The following ADAMTSL1 variants were observed in gnomAD, a reference collection of about 807,000 sequenced individuals.
ADAMTSL1 encodes ADAMTS-like protein 1.
In ADAMTSL1, 126 loss-of-function variants were observed where a neutral mutation model predicts 201.8. That is an observed-to-expected ratio of 0.62 (90% CI 0.54 to 0.72). ADAMTSL1 has a LOEUF of 0.72. Among genes scored for constraint, ADAMTSL1 ranks in the 30% least tolerant of loss-of-function variants. ADAMTSL1 has a pLI of 0.00. For synonymous variants in ADAMTSL1, 1,121 were observed against 903.4 expected (o/e 1.24, Z -4.32); for missense variants, 2,679 against 2,277.8 (o/e 1.18, Z -3.59).
intron 2 of ADAMTSL1, among the ~76,000 whole-genome samples, chr9:18,191,564 C>G (rs1400926558): frequency 1.3e-5 from 2 of 152,190 alleles, no homozygotes; most frequent in Admixed American, 1.3e-4. Context: ...AGCTGAGCCT[C>G]AGATCCCTGA....
intron 23 of ADAMTSL1, among the ~76,000 whole-genome samples, chr9:18,881,656 C>G (rs1828543662): frequency 6.6e-6 from 1 of 152,132 alleles, no homozygotes; most frequent in Admixed American, 6.5e-5. Context: ...TATGCACACA[C>G]TGTTAGAAAA....
Position 18,711,944 on chromosome 9 carries a change from C to G in ADAMTSL1, c.1876+4896C>G, listed in dbSNP as rs566000574. On this transcript the variant is annotated intron_variant, in intron 14 of 28. Coordinates refer to ENST00000380548, the MANE Select transcript of ADAMTSL1 (RefSeq NM_001040272.6). ...CCTCAAGTGGGTCCCTGACCCCTGA[C>G]CCCCAAGCAGCCTAACTGGGAGGCA... Among the ~76,000 whole-genome samples the G allele has an allele frequency of 2.8e-5, 4 of 143,928 alleles. No individual in the cohort carries two copies. In the East Asian group the frequency reaches 8.1e-4, roughly 29 times the overall value. The allele number at this position is 143,928 out of a possible 152,430, so 94.4% of individuals were successfully genotyped here.
intron 2 of ADAMTSL1, among the ~76,000 whole-genome samples, chr9:18,316,424 G>A (rs987757001): frequency 6.6e-6 from 1 of 151,912 alleles, no homozygotes; most frequent in Non-Finnish European, 1.5e-5. Context: ...GGGCACACCT[G>A]GGGGGGCCGT....
At chr9:18,445,951 G>A (rs1273266068) in intron 2 of ADAMTSL1, among the ~76,000 whole-genome samples, 1 of 152,050 alleles carries the variant, frequency 6.6e-6, no homozygotes, top group African/African-American at 2.4e-5. Flanking sequence ...ACCCTATCAT[G>A]TAGGTATTCA....
intron 1 of ADAMTSL1, among the ~76,000 whole-genome samples, chr9:17,940,808 C>CCCG (rs1554667543): frequency 7.8e-5 from 5 of 63,928 alleles, no homozygotes; most frequent in Non-Finnish European, 1.6e-4. Flanking sequence ...TAACACCCCC[C>CCCG]CCCCAAAAAA....
At chr9:18,369,509 A>C (rs1488535482) in intron 2 of ADAMTSL1, among the ~76,000 whole-genome samples, 2 of 152,210 alleles carry the variant, frequency 1.3e-5, no homozygotes, top group Non-Finnish European at 2.9e-5. Flanking sequence ...GAAAAAAGAG[A>C]ATGCTTATAC....
At chr9:18,426,514 T>A (rs997395208) in intron 2 of ADAMTSL1, among the ~76,000 whole-genome samples, 6 of 152,214 alleles carry the variant, frequency 3.9e-5, no homozygotes, top group Non-Finnish European at 7.3e-5. Context: ...TATGAAATTA[T>A]CTACTAATAA....
chr9:18,406,993 C>G (rs1587099930), intron 2 of ADAMTSL1, among the ~76,000 whole-genome samples: 1 of 152,232 alleles, frequency 6.6e-6, no homozygotes, highest in East Asian at 1.9e-4. Flanking sequence ...ATGTATTCAT[C>G]CAACAAACAT....
intron 3 of ADAMTSL1, among the ~76,000 whole-genome samples, chr9:18,553,054 T>C (rs1820881751): frequency 6.6e-6 from 1 of 151,654 alleles, no homozygotes; most frequent in Non-Finnish European, 1.5e-5. Flanking sequence ...TTTTAATTTT[T>C]ACTTTTATAA....
chr9:18,671,661 C>T (rs1401628425), intron 9 of ADAMTSL1, among the ~76,000 whole-genome samples: 1 of 152,136 alleles, frequency 6.6e-6, no homozygotes, highest in Non-Finnish European at 1.5e-5. Context: ...CGAAGATTTG[C>T]AGTTCCAGAG....
intron 23 of ADAMTSL1, among the ~76,000 whole-genome samples, chr9:18,844,086 G>A (rs935039511): frequency 6.6e-6 from 1 of 152,218 alleles, no homozygotes; most frequent in Non-Finnish European, 1.5e-5. Context: ...GAGGAGCTGT[G>A]TTCCTTTGGA....
chr9:18,525,671 A>G (rs1373127753), intron 2 of ADAMTSL1, among the ~76,000 whole-genome samples: 2 of 152,190 alleles, frequency 1.3e-5, no homozygotes, highest in African/African-American at 2.4e-5. Flanking sequence ...TTCAAAGAAC[A>G]TCTTTATTTC....
intron 1 of ADAMTSL1, among the ~76,000 whole-genome samples, chr9:18,115,290 G>A (rs767199509): frequency 3.3e-5 from 5 of 152,120 alleles, no homozygotes; most frequent in Non-Finnish European, 7.4e-5. Context: ...TTACTTGGCT[G>A]ACTGTGGAGA....
chr9:18,607,488 T>A (rs1055461480), intron 4 of ADAMTSL1, among the ~76,000 whole-genome samples: 1 of 152,146 alleles, frequency 6.6e-6, no homozygotes, highest in Admixed American at 6.5e-5. Context: ...TGACTCAAAA[T>A]TTTTTTAATT....
intron 1 of ADAMTSL1, among the ~76,000 whole-genome samples, chr9:18,126,551 C>T (rs1056149409): frequency 2.6e-5 from 4 of 152,172 alleles, no homozygotes; most frequent in African/African-American, 9.6e-5. Context: ...AGAGTGTCCA[C>T]CACTTGTAGT....
At chr9:18,610,805 C>T (rs1267636201) in intron 4 of ADAMTSL1, among the ~76,000 whole-genome samples, 1 of 152,298 alleles carries the variant, frequency 6.6e-6, no homozygotes, top group Middle Eastern at 3.4e-3. Flanking sequence ...CACACAAATG[C>T]AGCCAGCACA....
At chr9:18,638,619 T>C (rs994401499) in intron 6 of ADAMTSL1, among the ~76,000 whole-genome samples, 4 of 152,120 alleles carry the variant, frequency 2.6e-5, no homozygotes, top group South Asian at 2.1e-4. Flanking sequence ...AGGTTTTTTT[T>C]CTATCTCAAG....
At chr9:18,141,181 G>A (rs988286271) in intron 1 of ADAMTSL1, among the ~76,000 whole-genome samples, 2 of 152,138 alleles carry the variant, frequency 1.3e-5, no homozygotes, top group East Asian at 3.9e-4. Flanking sequence ...AGGTGGACAC[G>A]GTTTACCTTC....
chr9:18,221,324 A>G (rs1830251586), intron 2 of ADAMTSL1, among the ~76,000 whole-genome samples: 1 of 152,168 alleles, frequency 6.6e-6, no homozygotes, highest in African/African-American at 2.4e-5. Context: ...CTTTAACATG[A>G]AGATTTTATA....
Sources: allele counts gnomAD v4.1 joint callset (sites outside exome capture counted in the v4.1 genomes callset), GRCh38; gene constraint gnomAD v4.1.1; transcripts MANE v1.5; gene names NCBI Gene and HGNC (gene_info 2026-07-23, HGNC 2026-07-21).